CLCN1: variants seen among roughly 807,000 people sequenced by gnomAD.
The protein encoded by CLCN1 is chloride voltage-gated channel 1.
Under a neutral mutation model 114.5 loss-of-function variants are expected in CLCN1, and 100 were observed. The observed-to-expected ratio is 0.87, with a 90% confidence interval of 0.74 to 1.03. The LOEUF (loss-of-function observed/expected upper bound fraction) is 1.03, where lower values mean the gene tolerates loss of function less well. Among genes scored for constraint, CLCN1 ranks in the 50% least tolerant of loss-of-function variants. The pLI is 0.00. For missense variants in CLCN1, 1,188 were observed against 1,250.0 expected (o/e 0.95, Z 0.75); for synonymous variants, 485 against 487.1 (o/e 1.00, Z 0.06).
intron 2 of CLCN1, 149 bp from the exon 3 acceptor site, chr7:143,320,515 A>C: frequency 2.0e-5 from 15 of 741,816 alleles, no homozygotes; most frequent in East Asian, 5.6e-5. Flanking sequence ...CATCTTGGGT[A>C]TAGCACCCAA....
intron 12 of CLCN1, among the ~76,000 whole-genome samples, chr7:143,338,042 C>T (rs1270426522): frequency 1.3e-5 from 2 of 151,772 alleles, no homozygotes; most frequent in African/African-American, 4.8e-5. Context: ...GACAGGGTTT[C>T]ACCATGTTAG....
chr7:143,320,926 A>T, intron 3 of CLCN1, 131 bp downstream of exon 3: 1 of 1,108,562 alleles, frequency 9.0e-7, no homozygotes, highest in Non-Finnish European at 1.4e-6. Context: ...GAGAGGGATC[A>T]GGTGGGACTC....
chr7:143,330,638 A>G, intron 7 of CLCN1, 134 bp from the exon 8 acceptor site: 1 of 1,168,002 alleles, frequency 8.6e-7, no homozygotes. Context: ...GGAATCCAAG[A>G]GATCATTACT....
chr7:143,326,790 T>G (rs1436148085), intron 7 of CLCN1, among the ~76,000 whole-genome samples: 1 of 152,094 alleles, frequency 6.6e-6, no homozygotes, highest in East Asian at 1.9e-4. Context: ...AAAGGGGGGC[T>G]GAATTATGAA....
At chr7:143,333,788 A>G (rs1413119395) in intron 12 of CLCN1, among the ~76,000 whole-genome samples, 3 of 152,258 alleles carry the variant, frequency 2.0e-5, no homozygotes, top group Non-Finnish European at 4.4e-5. Flanking sequence ...ACTAGGCAAT[A>G]AAAGATGATC....
rs147068247 is a variant in CLCN1 at position 143,351,787 on chromosome 7, C to A, written c.2789C>A (p.Pro930His). 4 of 1,614,064 alleles carry A rather than the reference C, an allele frequency of 2.5e-6. No individual in the cohort carries two copies. Among genetic ancestry groups the A allele is most frequent in the Non-Finnish European group, 3.4e-6 (4 of 1,180,034 alleles). ...GDVIAASPET[P>H]VPSPSPEPPL... ...GTGATTGCTGCCTCCCCAGAGACCC[C>A]TGTGCCATCTCCTTCCCCAGAGCCC... is the stretch of plus-strand genomic sequence containing the variant. Residue 930 changes from proline (P) to histidine (H), a missense_variant, in exon 23 of 23, where the codon CCT (proline) becomes CAT (histidine). Transcript: ENST00000343257.
chr7:143,316,304 C>A lies in CLCN1; in HGVS notation c.92C>A (p.Thr31Asn), dbSNP rs767076900. The change falls in exon 1 of 23, where the codon ACC becomes AAC. Residue 31 changes from threonine to asparagine, a missense_variant. Coordinates refer to ENST00000343257, the MANE Select transcript of CLCN1 (RefSeq NM_000083.3). ...QYQYMPFEHC[T>N]SYGLPSENGG... ...CAGTATATGCCCTTTGAACACTGCA[C>A]CAGCTACGGACTGCCCTCTGAGAAT... is the stretch of plus-strand genomic sequence containing the variant. The A allele has an allele frequency of 1.9e-6, 3 of 1,613,774 alleles. No homozygotes were observed. In the East Asian group the frequency reaches 6.7e-5, roughly 36 times the overall value.
chr7:143,339,540 A>C lies in CLCN1; in HGVS notation c.1501A>C (p.Ile501Leu). 6.2e-7 allele frequency: 1 copy of C among 1,613,936 alleles called. No homozygotes were observed. ...GAAFGRLVGE[I>L]MAMLFPDGIL... ...TGCATTTGGAAGGCTGGTAGGAGAAATCATGGCCATGCTCTTTCCTGATGG... is the reference window on the plus strand; with the variant it reads ...TGCATTTGGAAGGCTGGTAGGAGAACTCATGGCCATGCTCTTTCCTGATGG... The change falls in exon 14 of 23, where the codon ATC (isoleucine) becomes CTC (leucine). Residue 501 changes from isoleucine to leucine, a missense_variant. Coordinates refer to ENST00000343257, the MANE Select transcript of CLCN1 (RefSeq NM_000083.3). The surrounding 1 kb of genome is among the most constrained non-coding windows in gnomAD (Gnocchi z 4.1).
intron 5 of CLCN1, among the ~76,000 whole-genome samples, chr7:143,322,547 G>A (rs569844014): frequency 2.1e-4 from 32 of 152,338 alleles, no homozygotes; most frequent in Non-Finnish European, 4.6e-4. Context: ...TGTTGAGACA[G>A]TGTCTAGCTC....
chr7:143,323,660 T>A, intron 6 of CLCN1: 2 of 610,700 alleles, frequency 3.3e-6, no homozygotes, highest in African/African-American at 1.8e-5. Flanking sequence ...ATGCTCTCCC[T>A]GCTAGTCCAT....
intron 9 of CLCN1, 33 bp from the exon 10 acceptor site, chr7:143,331,518 G>A (rs1160338640): frequency 6.8e-7 from 1 of 1,477,700 alleles, no homozygotes; most frequent in Non-Finnish European, 9.5e-7. Flanking sequence ...TTTCATGTCT[G>A]TAAGATTCCA....
intron 1 of CLCN1, among the ~76,000 whole-genome samples, chr7:143,317,467 C>G (rs763922218): frequency 6.6e-6 from 1 of 152,002 alleles, no homozygotes; most frequent in Non-Finnish European, 1.5e-5. Flanking sequence ...CAGGCTGTCT[C>G]GAACTCCTGA....
Position 143,342,041 on chromosome 7 carries a change from G to A in CLCN1, c.1695G>A (p.Leu565=), listed in dbSNP as rs200115869. ...TGCCCATGATGGTGGCTGTTATCTT[G>A]GCCAACATGGTGGCCCAGAGCCTGC... The part of the protein sequence containing the change: ...HILPMMVAVI[L]ANMVAQSLQP... The change falls in exon 15 of 23, where the codon TTG becomes TTA. Residue 565 remains leucine, a synonymous_variant. Coordinates refer to ENST00000343257, the MANE Select transcript of CLCN1 (RefSeq NM_000083.3). 1.2e-6 allele frequency: 2 copies of A among 1,614,146 alleles called. No homozygotes were observed. The highest frequency in any genetic ancestry group is 1.1e-5 in the South Asian group (1 of 91,088).
At position 143,352,042 on chromosome 7, in the gene CLCN1, C is replaced by A. The variant is rs1342393431; in HGVS notation, c.*77C>A. The A allele has an allele frequency of 1.9e-6, 3 of 1,592,834 alleles. No individual in the cohort carries two copies. The highest frequency in any genetic ancestry group is 2.6e-6 in the Non-Finnish European group (3 of 1,163,184). Reference sequence around the variant, plus strand: ...TGAACTTGTGTGGGGCAGGGTGCGTCCTGAATGTGGCGAGGTCATGCCAAT... The same window carrying A: ...TGAACTTGTGTGGGGCAGGGTGCGTACTGAATGTGGCGAGGTCATGCCAAT... On this transcript the variant is annotated 3_prime_UTR_variant, in exon 23 of 23. Coordinates refer to ENST00000343257, the MANE Select transcript of CLCN1 (RefSeq NM_000083.3).
intron 7 of CLCN1, among the ~76,000 whole-genome samples, chr7:143,326,302 G>A (rs528961745): frequency 2.6e-5 from 4 of 152,096 alleles, no homozygotes; most frequent in East Asian, 1.9e-4. Flanking sequence ...AAAGAATACC[G>A]AATAATTCTG....
chr7:143,331,386 C>T, intron 9 of CLCN1, 70 bp downstream of exon 9: 8 of 1,285,462 alleles, frequency 6.2e-6, no homozygotes, highest in Non-Finnish European at 9.1e-6. Context: ...GGAAGGGACC[C>T]AAGCTAGAAA....
chr7:143,341,987 C>T lies in CLCN1; in HGVS notation c.1641C>T (p.Phe547=), dbSNP rs756105523. The change falls in exon 15 of 23, where the codon TTC becomes TTT. Residue 547 remains phenylalanine (F), a synonymous_variant. Transcript: ENST00000343257. ...CAGTCTCCACAGCTGTGATTTGCTTCGAATTAACGGGTCAGATTGCTCACA... is the reference window on the plus strand; with the variant it reads ...CAGTCTCCACAGCTGTGATTTGCTTTGAATTAACGGGTCAGATTGCTCACA... ...SHTVSTAVIC[F]ELTGQIAHIL... 10 of 1,614,072 alleles carry T rather than the reference C, an allele frequency of 6.2e-6. No individual in the cohort carries two copies. Among genetic ancestry groups the T allele is most frequent in the Admixed American group, 3.3e-5 (2 of 60,012 alleles).
In CLCN1 at chr7:143,339,346, G is replaced by A. The variant is rs776478138; in HGVS notation, c.1471+24G>A. Reference sequence around the variant, plus strand: ...AGGTAAGTTCTGATGGGAAGCCTGGGGTCTGACTGAGAGTTGCAATCTAGG... The same window carrying A: ...AGGTAAGTTCTGATGGGAAGCCTGGAGTCTGACTGAGAGTTGCAATCTAGG... On this transcript the variant is annotated intron_variant, in intron 13 of 22. Coordinates refer to ENST00000343257, the MANE Select transcript of CLCN1 (RefSeq NM_000083.3). The surrounding 1 kb of genome is among the most constrained non-coding windows in gnomAD (Gnocchi z 4.1). 16 of 1,578,870 alleles carry A rather than the reference G, an allele frequency of 1.0e-5. 1 individual carries two copies. The South Asian group carries it at 1.2e-4, about 12-fold the overall frequency.
intron 1 of CLCN1, among the ~76,000 whole-genome samples, chr7:143,319,267 A>C (rs1802366119): frequency 6.6e-6 from 1 of 152,180 alleles, no homozygotes; most frequent in Non-Finnish European, 1.5e-5. Flanking sequence ...GCCTCAGGTA[A>C]GGCTAGACAC....
Sources: allele counts gnomAD v4.1 joint callset (sites outside exome capture counted in the v4.1 genomes callset), GRCh38; gene constraint gnomAD v4.1.1; non-coding constraint Gnocchi (gnomAD v3.1); transcripts MANE v1.5; gene names NCBI Gene and HGNC (gene_info 2026-07-23, HGNC 2026-07-21).